RB1: variants seen among roughly 807,000 people sequenced by gnomAD.
RB1 encodes the protein retinoblastoma-associated protein.
Under a neutral mutation model 135.4 loss-of-function variants are expected in RB1, and 18 were observed. The observed-to-expected ratio is 0.13, with a 90% CI of 0.09 to 0.20. The LOEUF is 0.20. Ranked by LOEUF, RB1 falls within the 10% of genes least tolerant of loss-of-function variation. The pLI is 1.00. For synonymous variants in RB1, 365 were observed against 373.2 expected (o/e 0.98, Z 0.25); for missense variants, 868 against 1,110.0 (o/e 0.78, Z 3.10).
At position 48,344,993 on chromosome 13, in the gene RB1, T is replaced by A; in HGVS notation, c.381-87T>A. 5 of 1,446,972 alleles carry A rather than the reference T, an allele frequency of 3.5e-6. No individual in the cohort carries two copies. The East Asian group carries it at 9.4e-5, about 27-fold the overall frequency. The allele number at this position is 1,446,972 out of a possible 1,614,324, so 89.6% of individuals were successfully genotyped here. On this transcript the variant is annotated intron_variant, in intron 3 of 26. Coordinates refer to ENST00000267163, the MANE Select transcript of RB1 (RefSeq NM_000321.3). ...GATTTGATGTAGAGCTGATAATCTT[T>A]TGAATTGAAATATCTATGATTTGAA...
At chr13:48,474,782 A>G (rs1949493938) in intron 24 of RB1, among the ~76,000 whole-genome samples, 1 of 152,130 alleles carries the variant, frequency 6.6e-6, no homozygotes, top group Non-Finnish European at 1.5e-5. Context: ...TAGGCTGCAA[A>G]TCCACAACCC....
At chr13:48,417,483 A>G (rs1391672968) in intron 17 of RB1, among the ~76,000 whole-genome samples, 1 of 152,212 alleles carries the variant, frequency 6.6e-6, no homozygotes, top group Non-Finnish European at 1.5e-5. Flanking sequence ...AACCAGCGCA[A>G]AAAGGCTGAC....
Position 48,347,834 on chromosome 13 carries a change from A to G in RB1, c.510A>G (p.Glu170=), listed in dbSNP as rs1472090472. 6.3e-7 allele frequency: 1 copy of G among 1,592,926 alleles called. No individual in the cohort carries two copies. Among genetic ancestry groups the G allele is most frequent in the Non-Finnish European group, 8.6e-7 (1 of 1,162,050 alleles). The change falls in exon 5 of 27, where the codon GAA becomes GAG. Residue 170 remains glutamate, a synonymous_variant. Transcript: ENST00000267163. ...ALFSKLERTC[E]LIYLTQPSSS... ...ATGTTTTTCTTTTCAGGACATGTGAACTTATATATTTGACACAACCCAGCA... is the reference window on the plus strand; with the variant it reads ...ATGTTTTTCTTTTCAGGACATGTGAGCTTATATATTTGACACAACCCAGCA...
chr13:48,436,095 A>T (rs1189086037), intron 17 of RB1, among the ~76,000 whole-genome samples: 1 of 152,228 alleles, frequency 6.6e-6, no homozygotes, highest in Non-Finnish European at 1.5e-5. Context: ...TTAACTGAGG[A>T]TAATTTTAAG....
intron 11 of RB1, among the ~76,000 whole-genome samples, chr13:48,369,986 A>C (rs948867131): frequency 6.6e-6 from 1 of 152,188 alleles, no homozygotes; most frequent in Non-Finnish European, 1.5e-5. Flanking sequence ...AACTTGGTAC[A>C]TAGTAGGCAA....
At chr13:48,368,453 T>C (rs1050143960) in intron 10 of RB1, 74 bp from the exon 11 acceptor site, 2 of 1,587,876 alleles carry the variant, frequency 1.3e-6, no homozygotes, top group Non-Finnish European at 1.7e-6. Context: ...AGAAGCATTA[T>C]ACTGCTTTTT....
At chr13:48,411,765 C>G in intron 17 of RB1, 1 of 1,611,056 alleles carries the variant, frequency 6.2e-7, no homozygotes, top group Non-Finnish European at 8.5e-7. Flanking sequence ...GTTTATTTTG[C>G]TTCTACTTAA....
chr13:48,453,230 T>C (rs1266020611), intron 18 of RB1, 119 bp downstream of exon 18: 3 of 1,055,712 alleles, frequency 2.8e-6, no homozygotes, highest in Non-Finnish European at 4.3e-6. Flanking sequence ...GAATAGTTTC[T>C]GTTTTTAAGA....
chr13:48,385,596 T>C (rs1948565524), intron 17 of RB1, among the ~76,000 whole-genome samples: 1 of 151,782 alleles, frequency 6.6e-6, no homozygotes, highest in Non-Finnish European at 1.5e-5. Context: ...CTGAAGAGAG[T>C]GGAAGAATCC....
intron 2 of RB1, chr13:48,327,985 A>G (rs4151442): frequency 1.8e-6 from 1 of 569,082 alleles, no homozygotes; most frequent in East Asian, 2.9e-5. Context: ...AGAAAAAAAA[A>G]GTGGCTCCAA....
chr13:48,459,992 T>TA (rs1949394498), intron 20 of RB1, among the ~76,000 whole-genome samples, 159 bp downstream of exon 20: 1 of 137,280 alleles, frequency 7.3e-6, no homozygotes, highest in Non-Finnish European at 1.6e-5. Context: ...TTTTTTGAGA[T>TA]AGAGTCTCAC....
At chr13:48,361,058 A>G (rs1952634437) in intron 7 of RB1, among the ~76,000 whole-genome samples, 1 of 152,112 alleles carries the variant, frequency 6.6e-6, no homozygotes, top group South Asian at 2.1e-4. Context: ...ACCTTCATTT[A>G]GCAGAAACCA....
chr13:48,353,314 C>T (rs1226402187), intron 6 of RB1, among the ~76,000 whole-genome samples: 1 of 151,954 alleles, frequency 6.6e-6, no homozygotes, highest in Non-Finnish European at 1.5e-5. Flanking sequence ...CTTCTATAAG[C>T]AACTATATGC....
intron 2 of RB1, chr13:48,320,258 G>T (rs141471887): frequency 8.6e-7 from 1 of 1,164,856 alleles, no homozygotes; most frequent in African/African-American, 1.5e-5. Context: ...TCTGCCCTGT[G>T]GCCCCTCTGT....
At chr13:48,406,460 A>T (rs528137984) in intron 17 of RB1, 2 of 152,192 alleles carry the variant, frequency 1.3e-5, no homozygotes, top group Non-Finnish European at 2.9e-5. Flanking sequence ...TTGTATAAAT[A>T]TAGTTCTTGT....
intron 6 of RB1, among the ~76,000 whole-genome samples, chr13:48,358,138 C>T (rs1211762431): frequency 6.6e-6 from 1 of 152,104 alleles, no homozygotes; most frequent in Non-Finnish European, 1.5e-5. Context: ...CTGGAGTTAT[C>T]ACTCAAATCA....
At chr13:48,458,043 A>C (rs568527105) in intron 19 of RB1, among the ~76,000 whole-genome samples, 1 of 152,306 alleles carries the variant, frequency 6.6e-6, no homozygotes, top group South Asian at 2.1e-4. Context: ...CTGGGTCCGC[A>C]GCGGTGGCTT....
In RB1 at chr13:48,412,071, A is replaced by C. The variant is rs1566212438; in HGVS notation, c.1695+30628A>C. ...AGTCTTTGACTTAAATGGGTAGACA[A>C]TTGCCAGAAATCGATCTACACTAAT... On this transcript the variant is annotated intron_variant, in intron 17 of 26. Transcript: ENST00000267163. The C allele has an allele frequency of 2.6e-6, 4 of 1,558,602 alleles. No individual in the cohort carries two copies. Among genetic ancestry groups the C allele is most frequent in the South Asian group, 1.2e-5 (1 of 84,786 alleles).
intron 17 of RB1, among the ~76,000 whole-genome samples, chr13:48,413,327 T>C (rs1234734432): frequency 6.6e-6 from 1 of 152,214 alleles, no homozygotes; most frequent in Non-Finnish European, 1.5e-5. Flanking sequence ...AAATGCCTTC[T>C]GCGGTGCTGG....
Sources: gnomAD v4.1 joint callset for allele counts (sites outside exome capture counted in the v4.1 genomes callset) on GRCh38, gnomAD v4.1.1 for gene constraint, MANE v1.5 for transcripts, NCBI Gene and HGNC (gene_info 2026-07-23, HGNC 2026-07-21) for gene names.